The following MSRB3 variants were observed in gnomAD, a reference collection of about 807,000 sequenced individuals.
The protein encoded by MSRB3 is methionine-R-sulfoxide reductase B3.
A neutral mutation model predicts 21.0 loss-of-function variants in MSRB3; 13 were observed. The ratio of observed to expected loss-of-function variants is 0.62; its 90% confidence interval spans 0.40 to 0.98. The LOEUF (loss-of-function observed/expected upper bound fraction) is 0.98. Among genes scored for constraint, MSRB3 ranks in the 50% least tolerant of loss-of-function variants. The probability of loss-of-function intolerance (pLI) is 0.00; values close to 1 mark genes in which losing one functional copy is unlikely to be tolerated. For synonymous variants in MSRB3, 87 were observed against 88.6 expected (o/e 0.98, Z 0.10); for missense variants, 199 against 230.3 (o/e 0.86, Z 0.88).
chr12:65,380,611 A>G (rs17101297), intron 5 of MSRB3, among the ~76,000 whole-genome samples: 7,757 of 152,212 alleles, frequency 0.051, 349 homozygotes, highest in Admixed American at 0.15. Context: ...TCTGTGGCCA[A>G]TAATAATAAC....
At chr12:65,359,679 A>G (rs1565853788) in intron 4 of MSRB3, among the ~76,000 whole-genome samples, 2 of 152,186 alleles carry the variant, frequency 1.3e-5, no homozygotes, top group African/African-American at 4.8e-5. Flanking sequence ...TTGCAGAAGC[A>G]GCTGCCCAAT....
At chr12:65,420,404 AT>A (rs78299431) in intron 5 of MSRB3, among the ~76,000 whole-genome samples, 43 of 147,616 alleles carry the variant, frequency 2.9e-4, no homozygotes, top group Non-Finnish European at 5.1e-4. Context: ...AAGTTTTAAG[AT>A]TTTTTTTTTC....
At chr12:65,328,056 C>T (rs1875168246) in intron 3 of MSRB3, among the ~76,000 whole-genome samples, 1 of 152,184 alleles carries the variant, frequency 6.6e-6, no homozygotes, top group Admixed American at 6.5e-5. Context: ...GCTGAATGAC[C>T]TCCTAGCCTT....
chr12:65,374,596 G>T (rs1878496405), intron 5 of MSRB3, among the ~76,000 whole-genome samples: 1 of 152,126 alleles, frequency 6.6e-6, no homozygotes, highest in African/African-American at 2.4e-5. Context: ...GTATTCAAGC[G>T]ATATCATGCT....
Position 65,464,893 on chromosome 12 carries a change from A to G in MSRB3, c.*1571A>G, listed in dbSNP as rs1883497428. The G allele has an allele frequency of 6.6e-6, 1 of 152,252 alleles. No homozygotes were observed. The highest frequency in any genetic ancestry group is 1.5e-5 in the Non-Finnish European group (1 of 68,056). The allele number at this position is 152,252 out of a possible 1,614,324, so 9.4% of individuals were successfully genotyped here. On this transcript the variant is annotated 3_prime_UTR_variant, in exon 7 of 7. Transcript: ENST00000308259. Reference sequence around the variant, plus strand: ...TCTTCTGTGTGACAAAGGACAAGCCATGTAGCCTCTCTGTGCCTATTTCTT... The same window carrying G: ...TCTTCTGTGTGACAAAGGACAAGCCGTGTAGCCTCTCTGTGCCTATTTCTT...
chr12:65,306,378 C>T (rs1237198280), intron 1 of MSRB3, among the ~76,000 whole-genome samples: 1 of 152,126 alleles, frequency 6.6e-6, no homozygotes, highest in African/African-American at 2.4e-5. Context: ...TGCATACATC[C>T]ATTCTTTAGA....
intron 2 of MSRB3, among the ~76,000 whole-genome samples, chr12:65,319,280 T>G (rs1160534450): frequency 6.6e-6 from 1 of 152,154 alleles, no homozygotes; most frequent in African/African-American, 2.4e-5. Context: ...TACTCTTACA[T>G]GAAAGACTGC....
chr12:65,408,672 C>T (rs1880552255), intron 5 of MSRB3, among the ~76,000 whole-genome samples: 1 of 152,126 alleles, frequency 6.6e-6, no homozygotes, highest in African/African-American at 2.4e-5. Flanking sequence ...GAGCCTGCGC[C>T]CTTGGGCTGT....
At chr12:65,301,768 TTA>T (rs1873346571) in intron 1 of MSRB3, among the ~76,000 whole-genome samples, 1 of 152,160 alleles carries the variant, frequency 6.6e-6, no homozygotes, top group Non-Finnish European at 1.5e-5. Context: ...TCTGAAAAGG[TTA>T]TTAAAATACT....
At chr12:65,293,163 G>A (rs914563787) in intron 1 of MSRB3, among the ~76,000 whole-genome samples, 9 of 152,088 alleles carry the variant, frequency 5.9e-5, no homozygotes, top group African/African-American at 2.2e-4. Context: ...ACTTGAGCCA[G>A]AATTGAAGTC....
intron 1 of MSRB3, among the ~76,000 whole-genome samples, chr12:65,299,904 A>G (rs1021802452): frequency 2.6e-5 from 4 of 152,190 alleles, no homozygotes; most frequent in African/African-American, 9.6e-5. Context: ...TTATATTGTT[A>G]TGACTATGTG....
At chr12:65,281,315 AATT>A (rs1237737775) in intron 1 of MSRB3, among the ~76,000 whole-genome samples, 1 of 152,098 alleles carries the variant, frequency 6.6e-6, no homozygotes, top group Non-Finnish European at 1.5e-5. Flanking sequence ...TTCTCGGTAA[AATT>A]ATTAAGTTGG....
In MSRB3 at chr12:65,371,339, A is replaced by G. The variant is rs562307747; in HGVS notation, c.292+2313A>G. 1.3e-3 allele frequency among the ~76,000 whole-genome samples: 199 copies of G among 151,600 alleles called. 3 individuals are homozygous for G. Among genetic ancestry groups the G allele is most frequent in the African/African-American group, 4.6e-3 (189 of 41,380 alleles). On this transcript the variant is annotated intron_variant, in intron 5 of 6. Coordinates refer to ENST00000308259, the MANE Select transcript of MSRB3 (RefSeq NM_001031679.3). ...GCGAGACTCCATCTCAAAAAAAAAA[A>G]AAAAAAAAAGGAAATAAGGTAGCAT...
At chr12:65,366,755 T>TGGTCAAATATG (rs1288272936) in intron 4 of MSRB3, among the ~76,000 whole-genome samples, 3 of 152,176 alleles carry the variant, frequency 2.0e-5, no homozygotes, top group Non-Finnish European at 4.4e-5. Context: ...GGTCAAGATA[T>TGGTCAAATATG]GGTCAAAGAA....
chr12:65,361,222 C>T (rs1420616082), intron 4 of MSRB3, among the ~76,000 whole-genome samples: 1 of 152,084 alleles, frequency 6.6e-6, no homozygotes, highest in African/African-American at 2.4e-5. Context: ...TCAGGACCAC[C>T]TAGGTACTTT....
chr12:65,413,927 A>G (rs1438933809), intron 5 of MSRB3, among the ~76,000 whole-genome samples: 1 of 152,188 alleles, frequency 6.6e-6, no homozygotes, highest in Non-Finnish European at 1.5e-5. Context: ...GACAATGTAG[A>G]TATTCTGGGG....
chr12:65,452,454 A>G (rs1882898657), intron 5 of MSRB3, among the ~76,000 whole-genome samples: 4 of 152,186 alleles, frequency 2.6e-5, no homozygotes. Context: ...TTCTCTTCAG[A>G]ATTTAGAAAA....
At chr12:65,428,890 T>G (rs544400147) in intron 5 of MSRB3, among the ~76,000 whole-genome samples, 9 of 152,200 alleles carry the variant, frequency 5.9e-5, no homozygotes, top group African/African-American at 1.9e-4. Context: ...ATATCCTTTT[T>G]TTCCCCATAA....
In MSRB3 at chr12:65,306,938, A is replaced by G. The variant is rs574253900; in HGVS notation, c.-51-1591A>G. 106 of 985,864 alleles carry G rather than the reference A, an allele frequency of 1.1e-4. No individual in the cohort carries two copies. The African/African-American group carries it at 1.8e-3, about 16-fold the overall frequency. 61.1% of individuals were successfully genotyped at this position (985,864 alleles called of 1,614,324 possible). A position where few individuals can be genotyped will look rare whatever the true frequency, so the allele number is the denominator to read the frequency against. ...TGGCCACCGTGGTTGGTAGGCGCCC[A>G]GGCTGCCTGGTACAGGAGTTGATGA... On this transcript the variant is annotated intron_variant, in intron 1 of 6. Coordinates refer to ENST00000308259, the MANE Select transcript of MSRB3 (RefSeq NM_001031679.3).
Sources: allele counts gnomAD v4.1 joint callset (sites outside exome capture counted in the v4.1 genomes callset), GRCh38; gene constraint gnomAD v4.1.1; transcripts MANE v1.5; gene names NCBI Gene and HGNC (gene_info 2026-07-23, HGNC 2026-07-21).